The following TLK1 variants were observed in gnomAD, a reference collection of about 807,000 sequenced individuals.
TLK1 encodes the protein serine/threonine-protein kinase tousled-like 1.
Under a neutral mutation model 105.3 loss-of-function variants are expected in TLK1, and 24 were observed. The ratio of observed to expected loss-of-function variants is 0.23; its 90% CI spans 0.17 to 0.32. The LOEUF (loss-of-function observed/expected upper bound fraction) is 0.32. TLK1 is among the 10% of genes least tolerant of loss of function. The pLI is 1.00. For missense variants in TLK1, 558 were observed against 910.5 expected, an observed-to-expected ratio of 0.61 and a Z score of 4.98; for synonymous variants, 321 against 310.4, an observed-to-expected ratio of 1.03 and a Z score of -0.36.
intron 1 of TLK1, among the ~76,000 whole-genome samples, chr2:171,122,988 G>A (rs1385320496): frequency 6.7e-6 from 1 of 148,840 alleles, no homozygotes; most frequent in East Asian, 2.0e-4. Context: ...GCAGTGAGCC[G>A]AGATCACACC....
At chr2:171,126,076 A>G (rs1164245482) in intron 1 of TLK1, among the ~76,000 whole-genome samples, 1 of 152,198 alleles carries the variant, frequency 6.6e-6, no homozygotes, top group Admixed American at 6.5e-5. Flanking sequence ...AAAAGCCACT[A>G]TAAAGATCAT....
chr2:171,042,500 G>C (rs1686728592), intron 11 of TLK1, among the ~76,000 whole-genome samples: 1 of 151,956 alleles, frequency 6.6e-6, no homozygotes, highest in Admixed American at 6.6e-5. Context: ...TTCCACCTTG[G>C]CCTTCCAAAA....
At chr2:170,996,382 A>G (rs900652465) in intron 20 of TLK1, among the ~76,000 whole-genome samples, 2 of 152,206 alleles carry the variant, frequency 1.3e-5, no homozygotes, top group Non-Finnish European at 2.9e-5. Flanking sequence ...AAAGGTAATG[A>G]TGAGCCCAGA....
chr2:170,998,046 T>TATC (rs1684151663), intron 18 of TLK1, among the ~76,000 whole-genome samples: 1 of 147,536 alleles, frequency 6.8e-6, no homozygotes, highest in African/African-American at 2.5e-5. Context: ...CTATCTATCT[T>TATC]TATCTATCTA....
chr2:171,229,427 G>A (rs1262224301), intron 1 of TLK1, among the ~76,000 whole-genome samples: 3 of 152,178 alleles, frequency 2.0e-5, no homozygotes, highest in African/African-American at 4.8e-5. Context: ...TGCCAGGAGA[G>A]CTGGGCCTCA....
At chr2:171,209,715 A>T (rs955005180) in intron 1 of TLK1, among the ~76,000 whole-genome samples, 12 of 152,288 alleles carry the variant, frequency 7.9e-5, no homozygotes, top group African/African-American at 2.6e-4. Flanking sequence ...TGGAGTCCTT[A>T]TAAGAAGAGG....
rs187038116 is a variant in TLK1, at chr2:171,194,704, C to G, written c.-6+36441G>C. ...TGGTAGCGGGCGCCTGTAGTCCCAGCTACTCCGGAGGCTGAGGCAGGAGAA... is the reference window on the plus strand; with the variant it reads ...TGGTAGCGGGCGCCTGTAGTCCCAGGTACTCCGGAGGCTGAGGCAGGAGAA... On this transcript the variant is annotated intron_variant, in intron 1 of 20. Transcript: ENST00000521943. 1.8e-3 allele frequency among the ~76,000 whole-genome samples: 262 copies of G among 147,458 alleles called. 1 individual carries two copies. Among genetic ancestry groups the G allele is most frequent in the African/African-American group, 6.6e-3 (251 of 38,044 alleles).
intron 6 of TLK1, 103 bp from the exon 7 acceptor site, chr2:171,055,275 A>C (rs1320329604): frequency 2.9e-6 from 2 of 691,562 alleles, no homozygotes; most frequent in Non-Finnish European, 4.5e-6. Flanking sequence ...TTTCTGAAGA[A>C]GTTTCTATCA....
chr2:171,042,810 AG>A (rs1266693573), intron 11 of TLK1, among the ~76,000 whole-genome samples: 1 of 152,196 alleles, frequency 6.6e-6, no homozygotes, highest in Non-Finnish European at 1.5e-5. Context: ...AAGAAAGGTA[AG>A]GAACAAGATA....
intron 1 of TLK1, among the ~76,000 whole-genome samples, chr2:171,205,710 C>T (rs1443157119): frequency 2.6e-5 from 4 of 152,132 alleles, no homozygotes; most frequent in South Asian, 2.1e-4. Context: ...GGGTGGAGAG[C>T]GGCATGTTCA....
At chr2:171,139,010 T>G (rs1691459712) in intron 1 of TLK1, among the ~76,000 whole-genome samples, 1 of 152,178 alleles carries the variant, frequency 6.6e-6, no homozygotes, top group Non-Finnish European at 1.5e-5. Flanking sequence ...AAAGTCTGTT[T>G]CGAAAGCTAA....
chr2:171,185,722 A>G (rs1693013983), intron 1 of TLK1, among the ~76,000 whole-genome samples: 2 of 152,132 alleles, frequency 1.3e-5, no homozygotes, highest in South Asian at 2.1e-4. Flanking sequence ...GCACAAATAT[A>G]CCCCTTCTAG....
At chr2:171,074,186 C>T (rs1025341519) in intron 3 of TLK1, among the ~76,000 whole-genome samples, 4 of 152,136 alleles carry the variant, frequency 2.6e-5, no homozygotes, top group South Asian at 2.1e-4. Flanking sequence ...CCGCCCCTCC[C>T]GGCCACATTC....
intron 20 of TLK1, among the ~76,000 whole-genome samples, chr2:170,996,155 C>T (rs1458409148): frequency 6.6e-6 from 1 of 151,828 alleles, no homozygotes; most frequent in Non-Finnish European, 1.5e-5. Context: ...TGTGCCACCA[C>T]GCCTGGCTAA....
rs912914401 is a variant in TLK1, at chr2:171,082,659, T to C, written c.330+122A>G. 2.9e-5 allele frequency: 23 copies of C among 786,328 alleles called. No individual in the cohort carries two copies. The South Asian group carries it at 3.3e-4, about 11-fold the overall frequency. 48.7% of individuals were successfully genotyped at this position (786,328 alleles called of 1,614,324 possible). A position where few individuals can be genotyped will look rare whatever the true frequency, so the allele number is the denominator to read the frequency against. On this transcript the variant is annotated intron_variant, in intron 3 of 20. Transcript: ENST00000431350. The stretch of plus-strand genomic sequence containing the variant: ...TTCATAAGGCAGAACAAAACATTCC[T>C]ATAAGAAACTTTAAAAGCATTAACC...
intron 1 of TLK1, among the ~76,000 whole-genome samples, chr2:171,174,851 T>A (rs1008683561): frequency 1.3e-5 from 2 of 152,214 alleles, no homozygotes; most frequent in Admixed American, 6.5e-5. Context: ...TCTTTTTTTT[T>A]AAGGGAGATT....
chr2:170,995,409 C>T (rs1041174016), intron 20 of TLK1, among the ~76,000 whole-genome samples: 1 of 151,974 alleles, frequency 6.6e-6, no homozygotes, highest in Non-Finnish European at 1.5e-5. Flanking sequence ...CCCCTTAACC[C>T]TTCCTGGATT....
At chr2:171,040,568 G>GTTTTTTTTTTTTTTTTTTTT (rs59971440) in intron 11 of TLK1, among the ~76,000 whole-genome samples, 1 of 104,306 alleles carries the variant, frequency 9.6e-6, no homozygotes. Flanking sequence ...TTCCTTTTTT[G>GTTTTTTTTTTTTTTTTTTTT]TTTTTTTTTT....
intron 11 of TLK1, among the ~76,000 whole-genome samples, chr2:171,032,652 G>C (rs1686099954): frequency 6.6e-6 from 1 of 152,060 alleles, no homozygotes. Flanking sequence ...CAAAAAGTAT[G>C]GTACTGCCAT....
Sources: gnomAD v4.1 joint callset for allele counts (sites outside exome capture counted in the v4.1 genomes callset) on GRCh38, gnomAD v4.1.1 for gene constraint, MANE v1.5 for transcripts, NCBI Gene and HGNC (gene_info 2026-07-23, HGNC 2026-07-21) for gene names.